The following ARHGAP12 variants were observed in gnomAD, a reference collection of about 807,000 sequenced individuals.
ARHGAP12 encodes the protein Rho GTPase activating protein 12.
ARHGAP12 carries 64 observed loss-of-function variants against 108.6 expected under a neutral mutation model. The observed-to-expected ratio is 0.59, with a 90% CI of 0.48 to 0.73. ARHGAP12 has a LOEUF of 0.73. ARHGAP12 is among the 30% of genes least tolerant of loss of function. ARHGAP12 has a pLI of 0.00. For missense variants in ARHGAP12, 940 were observed against 1,005.9 expected (o/e 0.93, Z 0.89); for synonymous variants, 312 against 337.2 (o/e 0.93, Z 0.82).
chr10:31,852,410 C>T, intron 6 of ARHGAP12, 107 bp downstream of exon 6: 10 of 971,244 alleles, frequency 1.0e-5, no homozygotes, highest in Non-Finnish European at 1.6e-5. Flanking sequence ...AATTATTCTA[C>T]TTTGTAAAAG....
chr10:31,842,989 G>A (rs902029928), intron 7 of ARHGAP12, among the ~76,000 whole-genome samples: 1 of 152,014 alleles, frequency 6.6e-6, no homozygotes, highest in Non-Finnish European at 1.5e-5. Flanking sequence ...GAGAAACAAA[G>A]GGAATAGAAT....
rs1412263351 is a variant in ARHGAP12 at position 31,918,872 on chromosome 10, T to A, written c.-110-8309A>T. On this transcript the variant is annotated intron_variant, in intron 1 of 19. Coordinates refer to ENST00000344936, the MANE Select transcript of ARHGAP12 (RefSeq NM_018287.7). ...ATACAATTACCACATTATCCAGCAATTCCACTTCTGGGTATACACCCACAA... is the reference window on the plus strand; with the variant it reads ...ATACAATTACCACATTATCCAGCAAATCCACTTCTGGGTATACACCCACAA... Among the ~76,000 whole-genome samples the A allele has an allele frequency of 2.0e-5, 3 of 152,194 alleles. No homozygotes were observed. In the South Asian group the frequency reaches 6.2e-4, roughly 31 times the overall value.
chr10:31,882,334 T>C (rs12255336), intron 3 of ARHGAP12, among the ~76,000 whole-genome samples: 2,544 of 152,232 alleles, frequency 0.017, 80 homozygotes, highest in African/African-American at 0.058. Context: ...AATGGTGTAA[T>C]TACTTTTTGT....
chr10:31,885,049 G>C (rs1364858623), intron 3 of ARHGAP12, among the ~76,000 whole-genome samples: 4 of 151,988 alleles, frequency 2.6e-5, no homozygotes, highest in African/African-American at 4.8e-5. Flanking sequence ...GCACATCCTG[G>C]AGAGCAGGGT....
At chr10:31,858,629 T>G (rs1256604806) in intron 4 of ARHGAP12, among the ~76,000 whole-genome samples, 7 of 152,118 alleles carry the variant, frequency 4.6e-5, no homozygotes. Context: ...AAAACAAGTC[T>G]TCGGACTTTA....
At chr10:31,901,269 T>C (rs552921542) in intron 3 of ARHGAP12, among the ~76,000 whole-genome samples, 408 of 144,184 alleles carry the variant, frequency 2.8e-3, no homozygotes, top group African/African-American at 9.9e-3. Flanking sequence ...CAGTGGTTCA[T>C]GCCTGTAATC....
At position 31,870,667 on chromosome 10, in the gene ARHGAP12, C is replaced by T. The variant is rs190549684; in HGVS notation, c.685-9009G>A. On this transcript the variant is annotated intron_variant, in intron 3 of 19. Coordinates refer to ENST00000344936, the MANE Select transcript of ARHGAP12 (RefSeq NM_018287.7). ...ACTAAAACTGGTTTTAGTTCACAAACGAATTTTGTTTAGTTTCACAACTAA... is the reference window on the plus strand; with the variant it reads ...ACTAAAACTGGTTTTAGTTCACAAATGAATTTTGTTTAGTTTCACAACTAA... Among the ~76,000 whole-genome samples the T allele has an allele frequency of 4.7e-4, 72 of 152,174 alleles. No individual in the cohort carries two copies. In the Middle Eastern group the frequency reaches 0.017, roughly 36 times the overall value.
intron 13 of ARHGAP12, among the ~76,000 whole-genome samples, chr10:31,817,511 C>A (rs1337190208): frequency 6.6e-6 from 1 of 152,086 alleles, no homozygotes; most frequent in Non-Finnish European, 1.5e-5. Context: ...TAGTAAGCAC[C>A]ATTTACCCCT....
At chr10:31,839,540 G>T in intron 8 of ARHGAP12, 97 bp downstream of exon 8, 1 of 1,216,766 alleles carries the variant, frequency 8.2e-7, no homozygotes, top group Non-Finnish European at 1.1e-6. Flanking sequence ...AAATTTAATA[G>T]AAGCTCATTT....
chr10:31,905,859 C>T (rs1839115006), intron 3 of ARHGAP12, among the ~76,000 whole-genome samples: 1 of 151,240 alleles, frequency 6.6e-6, no homozygotes, highest in Admixed American at 6.6e-5. Flanking sequence ...ACAGAAATAA[C>T]AACAATAATA....
At chr10:31,868,091 G>T (rs1035180238) in intron 3 of ARHGAP12, among the ~76,000 whole-genome samples, 3 of 152,048 alleles carry the variant, frequency 2.0e-5, no homozygotes, top group Non-Finnish European at 4.4e-5. Context: ...CCAGCTACTT[G>T]GGAGGCTGAG....
Position 31,827,245 on chromosome 10 carries a change from A to T in ARHGAP12, c.1449-860T>A, listed in dbSNP as rs546301832. Among the ~76,000 whole-genome samples the T allele has an allele frequency of 5.9e-5, 9 of 152,294 alleles. No individual in the cohort carries two copies. In the South Asian group the frequency reaches 1.9e-3, roughly 32 times the overall value. Reference sequence around the variant, plus strand: ...TTATCATATTAGAGATTTTTATGTAAATGTTTCTCTCTCATAGGAATTGTA... The same window carrying T: ...TTATCATATTAGAGATTTTTATGTATATGTTTCTCTCTCATAGGAATTGTA... On this transcript the variant is annotated intron_variant, in intron 10 of 19. Coordinates refer to ENST00000344936, the MANE Select transcript of ARHGAP12 (RefSeq NM_018287.7).
intron 11 of ARHGAP12, among the ~76,000 whole-genome samples, chr10:31,822,738 T>A (rs564931718): frequency 6.6e-6 from 1 of 152,228 alleles, no homozygotes; most frequent in African/African-American, 2.4e-5. Context: ...TTCCAAGTCA[T>A]CTGTTGGGAG....
At chr10:31,829,454 G>A (rs773005509) in intron 10 of ARHGAP12, among the ~76,000 whole-genome samples, 1 of 152,062 alleles carries the variant, frequency 6.6e-6, no homozygotes, top group Non-Finnish European at 1.5e-5. Flanking sequence ...CTTAAAAATG[G>A]TTAAGATAGC....
In ARHGAP12 at chr10:31,817,775, G is replaced by T; in HGVS notation, c.1731+13C>A. On this transcript the variant is annotated intron_variant, in intron 13 of 19. Transcript: ENST00000344936. ...GCTCTGAAGTAAAAATTTTACCTAA[G>T]TCAACGACATACCTGATTATTGATT... The T allele has an allele frequency of 6.6e-7, 1 of 1,521,842 alleles. No homozygotes were observed. The highest frequency in any genetic ancestry group is 1.4e-5 in the African/African-American group (1 of 69,622). The allele number at this position is 1,521,842 out of a possible 1,614,324, so 94.3% of individuals were successfully genotyped here. A position where few individuals can be genotyped will look rare whatever the true frequency, so the allele number is the denominator to read the frequency against.
At chr10:31,830,979 T>C (rs903771112) in intron 10 of ARHGAP12, among the ~76,000 whole-genome samples, 3 of 152,260 alleles carry the variant, frequency 2.0e-5, no homozygotes, top group African/African-American at 7.2e-5. Flanking sequence ...TTTGGAACAC[T>C]GTCGAAATGA....
chr10:31,900,040 T>A (rs903229238), intron 3 of ARHGAP12, among the ~76,000 whole-genome samples: 12 of 152,110 alleles, frequency 7.9e-5, no homozygotes, highest in Non-Finnish European at 1.6e-4. Flanking sequence ...AACAACCCAA[T>A]TAAAAACTGA....
chr10:31,811,665 T>TTTTTATTTTATTTTA (rs71515537), intron 15 of ARHGAP12, among the ~76,000 whole-genome samples: 1,696 of 150,144 alleles, frequency 0.011, 77 homozygotes, highest in Admixed American at 0.085. Flanking sequence ...TTAAATACCT[T>TTTTTATTTTATTTTA]TTTTATTTTA....
At chr10:31,834,471 A>G (rs1249553140) in intron 9 of ARHGAP12, among the ~76,000 whole-genome samples, 1 of 152,198 alleles carries the variant, frequency 6.6e-6, no homozygotes, top group African/African-American at 2.4e-5. Context: ...GAATTTATCA[A>G]TGCCTTGATC....
Sources: gnomAD v4.1 joint callset for allele counts (sites outside exome capture counted in the v4.1 genomes callset) on GRCh38, gnomAD v4.1.1 for gene constraint, MANE v1.5 for transcripts, NCBI Gene and HGNC (gene_info 2026-07-23, HGNC 2026-07-21) for gene names.